The following NBEA variants were observed in gnomAD, a reference collection of about 807,000 sequenced individuals.
NBEA encodes the protein lysosomal-trafficking regulator 2.
In NBEA, 44 loss-of-function variants were observed where a neutral mutation model predicts 343.4. The observed-to-expected ratio is 0.13, with a 90% CI of 0.10 to 0.16. The LOEUF is 0.16. NBEA is among the 10% of genes least tolerant of loss of function. The pLI, the probability that NBEA is intolerant of heterozygous loss-of-function variation, is 1.00. For missense variants in NBEA, 2,555 were observed against 3,631.3 expected (o/e 0.70, Z 7.62); for synonymous variants, 1,175 against 1,238.7 (o/e 0.95, Z 1.08).
chr13:34,966,619 G>A lies in NBEA; in HGVS notation c.294+23505G>A, dbSNP rs1279084929. 2.7e-5 allele frequency among the ~76,000 whole-genome samples: 4 copies of A among 145,542 alleles called. No homozygotes were observed. The South Asian group carries it at 8.7e-4, about 32-fold the overall frequency. The stretch of plus-strand genomic sequence containing the variant: ...AACTATGTTACATATCTCTGAGCCT[G>A]TGTTTTTTTTTTTTTTCTCTCTCTC... On this transcript the variant is annotated intron_variant, in intron 1 of 58. Transcript: ENST00000379939.
chr13:35,590,556 T>G (rs540451676), intron 46 of NBEA, among the ~76,000 whole-genome samples: 11 of 152,226 alleles, frequency 7.2e-5, no homozygotes, highest in African/African-American at 2.4e-4. Context: ...CATGTCTTTG[T>G]TAAGAGTTGA....
chr13:35,488,039 A>G (rs760022748), intron 41 of NBEA, among the ~76,000 whole-genome samples: 5 of 151,860 alleles, frequency 3.3e-5, no homozygotes, highest in African/African-American at 4.8e-5. Context: ...TTGTTTAAAC[A>G]TATTATTACC....
chr13:35,297,284 T>C (rs950702299), intron 35 of NBEA, among the ~76,000 whole-genome samples: 2 of 152,032 alleles, frequency 1.3e-5, no homozygotes, highest in African/African-American at 4.8e-5. Context: ...GGTTCTAATC[T>C]CTCCATCATT....
In NBEA at chr13:35,332,904, C is replaced by T. The variant is rs1400895061; in HGVS notation, c.5904-16204C>T. 2.0e-5 allele frequency among the ~76,000 whole-genome samples: 3 copies of T among 152,080 alleles called. No homozygotes were observed. The East Asian group carries it at 5.8e-4, about 29-fold the overall frequency. Reference sequence around the variant, plus strand: ...TGTTAGGACTCCTTCGTGGCCAGCACTCCCCACTATAAATTAGTGCCCCAA... The same window carrying T: ...TGTTAGGACTCCTTCGTGGCCAGCATTCCCCACTATAAATTAGTGCCCCAA... On this transcript the variant is annotated intron_variant, in intron 36 of 58. Transcript: ENST00000379939.
chr13:35,404,733 C>T (rs904546373), intron 38 of NBEA, among the ~76,000 whole-genome samples: 2 of 150,586 alleles, frequency 1.3e-5, no homozygotes, highest in Admixed American at 1.3e-4. Flanking sequence ...TGCACATGTA[C>T]CCTAAAACTT....
chr13:35,522,475 C>CAAAAAAAAAAAAAAAA (rs138270833), intron 41 of NBEA, among the ~76,000 whole-genome samples: 19 of 42,074 alleles, frequency 4.5e-4, no homozygotes, highest in South Asian at 1.4e-3. Flanking sequence ...ATACCATCTC[C>CAAAAAAAAAAAAAAAA]AAAAAAAAAA....
intron 34 of NBEA, among the ~76,000 whole-genome samples, chr13:35,265,205 T>C (rs1367674416): frequency 1.3e-5 from 2 of 151,800 alleles, no homozygotes; most frequent in Admixed American, 1.3e-4. Flanking sequence ...CTGAAAATTA[T>C]AAAACATAGA....
chr13:35,287,681 T>C (rs1361949387), intron 34 of NBEA, among the ~76,000 whole-genome samples: 2 of 152,070 alleles, frequency 1.3e-5, no homozygotes, highest in African/African-American at 4.8e-5. Context: ...CACCTTTGAA[T>C]TGACCATTAC....
chr13:35,284,086 T>G (rs2035255318), intron 34 of NBEA, among the ~76,000 whole-genome samples: 1 of 152,104 alleles, frequency 6.6e-6, no homozygotes, highest in African/African-American at 2.4e-5. Flanking sequence ...CAAACTCATT[T>G]GTTTATGTAT....
chr13:35,349,242 T>C, intron 37 of NBEA, 26 bp downstream of exon 37: 1 of 1,409,566 alleles, frequency 7.1e-7, no homozygotes, highest in Non-Finnish European at 9.8e-7. Context: ...TAGACTAAAT[T>C]CTGCCTTTCT....
intron 38 of NBEA, among the ~76,000 whole-genome samples, chr13:35,362,523 A>T (rs2040866867): frequency 6.6e-6 from 1 of 152,022 alleles, no homozygotes; most frequent in Non-Finnish European, 1.5e-5. Context: ...TAGTTGTTAC[A>T]AGTATATTGA....
chr13:35,435,466 A>C (rs1594629279), intron 39 of NBEA, among the ~76,000 whole-genome samples: 1 of 152,162 alleles, frequency 6.6e-6, no homozygotes, highest in East Asian at 1.9e-4. Context: ...ACAACGGAGT[A>C]GTTAGGGGTA....
At chr13:35,556,949 T>A (rs886068229) in intron 44 of NBEA, among the ~76,000 whole-genome samples, 4 of 152,148 alleles carry the variant, frequency 2.6e-5, no homozygotes, top group African/African-American at 9.7e-5. Flanking sequence ...GTAACAGTTT[T>A]CCATATTCCC....
Position 35,240,347 on chromosome 13 carries a change from G to A in NBEA, c.5776+7728G>A, listed in dbSNP as rs554745629. Among the ~76,000 whole-genome samples the A allele has an allele frequency of 2.0e-5, 3 of 151,832 alleles. No individual in the cohort carries two copies. The South Asian group carries it at 6.2e-4, about 31-fold the overall frequency. Reference sequence around the variant, plus strand: ...GGTGGGATATGTGAGTTAGATTATCGTTTAGCACCCTTTAAGAATTTAATA... The same window carrying A: ...GGTGGGATATGTGAGTTAGATTATCATTTAGCACCCTTTAAGAATTTAATA... On this transcript the variant is annotated intron_variant, in intron 34 of 58. Coordinates refer to ENST00000379939, the MANE Select transcript of NBEA (RefSeq NM_001385012.1).
chr13:35,466,719 T>C (rs996802197), intron 40 of NBEA, among the ~76,000 whole-genome samples: 1 of 152,094 alleles, frequency 6.6e-6, no homozygotes, highest in Non-Finnish European at 1.5e-5. Flanking sequence ...TCCTCCCGCC[T>C]CAGCCTGCCA....
At chr13:35,462,676 C>G (rs1246509682) in intron 40 of NBEA, among the ~76,000 whole-genome samples, 1 of 152,024 alleles carries the variant, frequency 6.6e-6, no homozygotes. Context: ...TTAGGATGCC[C>G]AGACTTGAGG....
chr13:35,487,087 T>C (rs2076331400), intron 41 of NBEA, among the ~76,000 whole-genome samples: 1 of 151,956 alleles, frequency 6.6e-6, no homozygotes, highest in Admixed American at 6.6e-5. Context: ...ATATTGTTTT[T>C]CAGCTCAAGA....
intron 4 of NBEA, among the ~76,000 whole-genome samples, chr13:35,046,771 G>A (rs2062872773): frequency 6.6e-6 from 1 of 152,058 alleles, no homozygotes. Context: ...GTACTCACCT[G>A]TTTTTGGACT....
intron 47 of NBEA, among the ~76,000 whole-genome samples, chr13:35,598,150 AC>A (rs1159203991): frequency 3.3e-5 from 5 of 152,214 alleles, no homozygotes; most frequent in Non-Finnish European, 7.3e-5. Flanking sequence ...AGCTAAAAAG[AC>A]AAATTATCTG....
Sources: gnomAD v4.1 joint callset for allele counts (sites outside exome capture counted in the v4.1 genomes callset) on GRCh38, gnomAD v4.1.1 for gene constraint, MANE v1.5 for transcripts, NCBI Gene and HGNC (gene_info 2026-07-23, HGNC 2026-07-21) for gene names.